The following ACAP3 variants were observed in gnomAD, a reference collection of about 807,000 sequenced individuals.
The protein encoded by ACAP3 is arf-GAP with coiled-coil, ANK repeat and PH domain-containing protein 3.
In ACAP3, 56 loss-of-function variants were observed where a neutral mutation model predicts 104.1. That is an observed-to-expected ratio of 0.54 (90% CI 0.43 to 0.67). The LOEUF (loss-of-function observed/expected upper bound fraction) is 0.67, where lower values mean the gene tolerates loss of function less well. Among genes scored for constraint, ACAP3 ranks in the 30% least tolerant of loss-of-function variants. The probability of loss-of-function intolerance (pLI) is 0.00; values close to 1 mark genes in which losing one functional copy is unlikely to be tolerated. For synonymous variants in ACAP3, 628 were observed against 496.2 expected (o/e 1.27, Z -3.53); for missense variants, 1,208 against 1,174.9 (o/e 1.03, Z -0.41).
At chr1:1,307,082 A>G in intron 1 of ACAP3, 1 of 917,730 alleles carries the variant, frequency 1.1e-6, no homozygotes, top group Non-Finnish European at 1.5e-6. Context: ...TTGGGGATGC[A>G]GAGAGGTTTC....
Position 1,299,910 on chromosome 1 carries a change from T to C in ACAP3, c.664-5A>G. 6.3e-7 allele frequency: 1 copy of C among 1,587,262 alleles called. No homozygotes were observed. Among genetic ancestry groups the C allele is most frequent in the Non-Finnish European group, 8.6e-7 (1 of 1,161,626 alleles). On this transcript the variant is annotated splice_polypyrimidine_tract_variant and splice_region_variant and intron_variant, in intron 8 of 23. Coordinates refer to ENST00000354700, the MANE Select transcript of ACAP3 (RefSeq NM_030649.3). The stretch of plus-strand genomic sequence containing the variant: ...GTCGATCACCAGCTGGTCCAGCTGT[T>C]GGGGGTGGCATTAGGGAAGGTCACG...
rs761840769 is a variant in ACAP3 at position 1,307,319 on chromosome 1, C to T, written c.47+450G>A. 9 of 1,289,210 alleles carry T rather than the reference C, an allele frequency of 7.0e-6. No homozygotes were observed. The African/African-American group carries it at 7.6e-5, about 11-fold the overall frequency. The allele number at this position is 1,289,210 out of a possible 1,614,324, so 79.9% of individuals were successfully genotyped here. A position where few individuals can be genotyped will look rare whatever the true frequency, so the allele number is the denominator to read the frequency against. ...CCCCTGGGTCATTCAAACCACTTCA[C>T]GTTTCCAAGCACCCTACCCCAGGCC... is the stretch of plus-strand genomic sequence containing the variant. On this transcript the variant is annotated intron_variant, in intron 1 of 23. Transcript: ENST00000354700.
Position 1,295,948 on chromosome 1 carries a change from G to T in ACAP3, c.1503-10C>A. 6.2e-7 allele frequency: 1 copy of T among 1,612,610 alleles called. No individual in the cohort carries two copies. The highest frequency in any genetic ancestry group is 8.5e-7 in the Non-Finnish European group (1 of 1,179,968). On this transcript the variant is annotated splice_polypyrimidine_tract_variant and intron_variant, in intron 17 of 23. Transcript: ENST00000354700. ...GGCCTCCTTGTCCTGCCTGGACCAG[G>T]GGGGAACATGAGGCTGTGCCCCCAG...
chr1:1,301,958 G>A, intron 5 of ACAP3, 30 bp downstream of exon 5: 2 of 1,535,688 alleles, frequency 1.3e-6, no homozygotes, highest in Admixed American at 2.1e-5. Flanking sequence ...TGGCCTCAGT[G>A]TTCTTCCCCC....
In ACAP3 at chr1:1,293,521, G is replaced by A; in HGVS notation, c.*43C>T. 1 of 1,400,998 alleles carries A rather than the reference G, an allele frequency of 7.1e-7. No individual in the cohort carries two copies. The highest frequency in any genetic ancestry group is 9.2e-7 in the Non-Finnish European group (1 of 1,087,296). The allele number at this position is 1,400,998 out of a possible 1,614,324, so 86.8% of individuals were successfully genotyped here. A position where few individuals can be genotyped will look rare whatever the true frequency, so the allele number is the denominator to read the frequency against. ...CGCCAGGGACTTCGGGGCATGCGGGGCGTCGGGCCGGGCGGGGTGGCAGCT... is the reference window on the plus strand; with the variant it reads ...CGCCAGGGACTTCGGGGCATGCGGGACGTCGGGCCGGGCGGGGTGGCAGCT... On this transcript the variant is annotated 3_prime_UTR_variant, in exon 24 of 24. Transcript: ENST00000354700.
chr1:1,307,890 C>A lies in ACAP3; in HGVS notation c.-75G>T. ...GGCAGCCGCGCCGGCCCGGACCGCT[C>A]GTCCCGCCCGCGCCGCCTCGGCGCC... On this transcript the variant is annotated 5_prime_UTR_variant, in exon 1 of 24. Transcript: ENST00000354700. 1 of 880,352 alleles carries A rather than the reference C, an allele frequency of 1.1e-6. No individual in the cohort carries two copies. The highest frequency in any genetic ancestry group is 5.0e-5 in the South Asian group (1 of 19,956). 54.5% of individuals were successfully genotyped at this position (880,352 alleles called of 1,614,324 possible). A position where few individuals can be genotyped will look rare whatever the true frequency, so the allele number is the denominator to read the frequency against.
chr1:1,307,622 C>T, intron 1 of ACAP3, 147 bp downstream of exon 1: 1 of 938,714 alleles, frequency 1.1e-6, no homozygotes, highest in Non-Finnish European at 1.3e-6. Flanking sequence ...CGGGGCGGGG[C>T]CGCCGCTTTG....
intron 21 of ACAP3, 21 bp from the exon 22 acceptor site, chr1:1,294,220 A>G: frequency 6.4e-7 from 1 of 1,561,410 alleles, no homozygotes; most frequent in East Asian, 2.4e-5. Context: ...GGGGCAACTC[A>G]GACGGAGCCA....
At position 1,300,546 on chromosome 1, in the gene ACAP3, T is replaced by A; in HGVS notation, c.485A>T (p.Lys162Met). 6.2e-7 allele frequency: 1 copy of A among 1,612,030 alleles called. No homozygotes were observed. Among genetic ancestry groups the A allele is most frequent in the Non-Finnish European group, 8.5e-7 (1 of 1,179,686 alleles). Residue 162 changes from lysine (K) to methionine (M), a missense_variant, in exon 6 of 24, where the codon AAG becomes ATG. Physicochemically the swap from Lys to Met is moderately conservative, Grantham distance 95 (BLOSUM62 -1). Coordinates refer to ENST00000354700, the MANE Select transcript of ACAP3 (RefSeq NM_030649.3). ...EATGALTLTR[K>M]CFRHLALDYV... ...GTCCAGTGCCAGGTGGCGGAAGCAC[T>A]TCCTGGTGAGGGTGAGGGCCCCGGT...
chr1:1,303,213 C>A lies in ACAP3; in HGVS notation c.174G>T (p.Val58=). Reference sequence around the variant, plus strand: ...GCTGGGACAGGTCGCGGACGCCGCTCACGAAAAGCCTGCTGGTGCTGACGT... The same window carrying A: ...GCTGGGACAGGTCGCGGACGCCGCTAACGAAAAGCCTGCTGGTGCTGACGT... ...KAYVSTSRLF[V]SGVRDLSQQC... The change falls in exon 3 of 24, where the codon GTG becomes GTT. Residue 58 remains valine, a synonymous_variant. Transcript: ENST00000354700. The surrounding 1 kb of genome is among the most constrained non-coding windows in gnomAD (Gnocchi z 4.0). The A allele has an allele frequency of 6.2e-7, 1 of 1,607,434 alleles. No individual in the cohort carries two copies. Among genetic ancestry groups the A allele is most frequent in the Non-Finnish European group, 8.5e-7 (1 of 1,177,814 alleles).
intron 15 of ACAP3, 32 bp from the exon 16 acceptor site, chr1:1,296,312 G>C: frequency 6.4e-7 from 1 of 1,550,976 alleles, no homozygotes; most frequent in South Asian, 1.2e-5. Flanking sequence ...GAGTCTGGGG[G>C]AGGCAAGGCC....
At position 1,298,650 on chromosome 1, in the gene ACAP3, C is replaced by T. The variant is rs1641307684; in HGVS notation, c.780G>A (p.Glu260=). ...QDFSYDESKV[E]FDVDAPSGVV... is the part of the protein sequence containing the mutation. ...CCCCACTGGGCGCGTCCACGTCAAA[C>T]TCCACTTTGGACTCATCGTAGGAGA... The change falls in exon 11 of 24, where the codon GAG becomes GAA. Residue 260 remains glutamate (E), a synonymous_variant. Coordinates refer to ENST00000354700, the MANE Select transcript of ACAP3 (RefSeq NM_030649.3). The T allele has an allele frequency of 6.2e-7, 1 of 1,612,286 alleles. No individual in the cohort carries two copies. The highest frequency in any genetic ancestry group is 1.7e-5 in the Admixed American group (1 of 59,968).
chr1:1,296,712 A>G, intron 14 of ACAP3, 79 bp from the exon 15 acceptor site: 1 of 1,439,724 alleles, frequency 6.9e-7, no homozygotes, highest in South Asian at 1.3e-5. Flanking sequence ...CTCCCCAGCC[A>G]GAAGAGCCAA....
chr1:1,296,414 CAG>C lies in ACAP3; in HGVS notation c.1337+9_1337+10del, dbSNP rs771026153. On this transcript the variant is annotated intron_variant, in intron 15 of 23. Transcript: ENST00000354700. ...CAACCCCCACCCCCAGCCTGGCCCTCAGGGGCCCACCTGTGGATGCCGGAGCA... is the reference window on the plus strand; with the variant it reads ...CAACCCCCACCCCCAGCCTGGCCCTCGGGCCCACCTGTGGATGCCGGAGCA... 27 of 1,545,188 alleles carry C rather than the reference CAG, an allele frequency of 1.7e-5. No homozygotes were observed. Among genetic ancestry groups the C allele is most frequent in the East Asian group, 2.4e-5 (1 of 40,894 alleles).
intron 1 of ACAP3, among the ~76,000 whole-genome samples, chr1:1,306,625 G>T (rs1411794838): frequency 2.0e-5 from 3 of 152,176 alleles, no homozygotes; most frequent in East Asian, 3.9e-4. Flanking sequence ...CCACACACAT[G>T]CTGACTTGCC....
At chr1:1,298,296 A>G in intron 12 of ACAP3, 74 bp downstream of exon 12, 1 of 1,599,886 alleles carries the variant, frequency 6.3e-7, no homozygotes, top group Non-Finnish European at 8.5e-7. Context: ...TGCTAACCCC[A>G]ACTGACCAGT....
In ACAP3 at chr1:1,303,169, A is replaced by G. The variant is rs1641526413; in HGVS notation, c.218T>C (p.Val73Ala). Reference protein sequence around the residue: ...DLSQQCQGDTVISECLQRFAD... With the variant: ...DLSQQCQGDTAISECLQRFAD... ...GGTCAGTCGGCCCCTCACCGAGATG[A>G]CGGTGTCGCCCTGGCACTGCTGGGA... Residue 73 changes from valine (V) to alanine (A), a missense_variant, in exon 3 of 24, where the codon GTC (valine) becomes GCC (alanine). By Grantham distance (64) the Val-to-Ala change is moderately conservative. Transcript: ENST00000354700. The surrounding 1 kb of genome is among the most constrained non-coding windows in gnomAD (Gnocchi z 4.0). 3 of 1,601,164 alleles carry G rather than the reference A, an allele frequency of 1.9e-6. No individual in the cohort carries two copies. Among genetic ancestry groups the G allele is most frequent in the Non-Finnish European group, 2.6e-6 (3 of 1,175,018 alleles).
chr1:1,299,955 C>G lies in ACAP3; in HGVS notation c.663+18G>C. ...GTCACGGAGGCCTGGCCCAGCCCCA[C>G]CCCTCCCAAAGGCTCACCTCGGCTG... is the stretch of plus-strand genomic sequence containing the variant. On this transcript the variant is annotated intron_variant, in intron 8 of 23. Coordinates refer to ENST00000354700, the MANE Select transcript of ACAP3 (RefSeq NM_030649.3). 6.2e-7 allele frequency: 1 copy of G among 1,604,080 alleles called. No individual in the cohort carries two copies. The highest frequency in any genetic ancestry group is 8.5e-7 in the Non-Finnish European group (1 of 1,173,286).
chr1:1,299,278 A>G, intron 10 of ACAP3, 67 bp downstream of exon 10: 4 of 1,558,330 alleles, frequency 2.6e-6, no homozygotes, highest in South Asian at 1.2e-5. Flanking sequence ...GGGGTAGAGG[A>G]GGGAAAGGCA....
Sources: allele counts gnomAD v4.1 joint callset (sites outside exome capture counted in the v4.1 genomes callset), GRCh38; gene constraint gnomAD v4.1.1; non-coding constraint Gnocchi (gnomAD v3.1); transcripts MANE v1.5; gene names NCBI Gene and HGNC (gene_info 2026-07-23, HGNC 2026-07-21).